Variants in CUL4B observed in about 807,000 individuals in gnomAD.
The protein encoded by CUL4B is cullin 4B.
CUL4B carries 1 observed loss-of-function variant against 69.2 expected under a neutral mutation model. The ratio of observed to expected loss-of-function variants is 0.01; its 90% CI spans 0.01 to 0.07. CUL4B has a LOEUF of 0.07. Among genes scored for constraint, CUL4B ranks in the 10% least tolerant of loss-of-function variants. The pLI is 1.00. For synonymous variants in CUL4B, 237 were observed against 223.2 expected, an observed-to-expected ratio of 1.06 and a Z score of -0.55; for missense variants, 328 against 638.8, an observed-to-expected ratio of 0.51 and a Z score of 5.24.
At position 120,524,074 on chromosome X, in the gene CUL4B, G is replaced by A. The variant is rs1922842449; in HGVS notation, c.*2687C>T. 9.0e-6 allele frequency among the ~76,000 whole-genome samples: 1 copy of A among 111,040 alleles called. No homozygotes were observed. Among genetic ancestry groups the A allele is most frequent in the African/African-American group, 3.3e-5 (1 of 30,576 alleles). ...TTAGATCCAGATGCCCAGATAAACT[G>A]GTTTTCTGAACTGTACACTCACATA... On this transcript the variant is annotated 3_prime_UTR_variant, in exon 20 of 20. Transcript: ENST00000371322.
intron 18 of CUL4B, among the ~76,000 whole-genome samples, chrX:120,531,108 G>C (rs773673177): frequency 1.6e-4 from 18 of 110,723 alleles, no homozygotes; most frequent in Non-Finnish European, 3.2e-4. Context: ...CGGATCATGA[G>C]GTCAGGAGTT....
rs1391627547 is a variant in CUL4B, at chrX:120,560,352, G to A, written c.287C>T (p.Pro96Leu). 2 of 1,207,612 alleles carry A rather than the reference G, an allele frequency of 1.7e-6. No individual in the cohort carries two copies. The highest frequency in any genetic ancestry group is 3.0e-5 in the East Asian group (1 of 33,766). ...TTCAAAACGCAGCTTCTTCTGTATC[G>A]GTACGTGGCTGGAAGCAGCCACTGA... ...GVSVAASSHV[P>L]IQKKLRFEDT... Residue 96 changes from proline (P) to leucine (L), a missense_variant, in exon 1 of 20, where the codon CCG becomes CTG. Transcript: ENST00000371322.
downstream of CUL4B, among the ~76,000 whole-genome samples, chrX:120,569,361 C>CTTTTTTTT (rs1172319824): frequency 2.1e-5 from 2 of 96,202 alleles, no homozygotes; most frequent in African/African-American, 7.5e-5. Flanking sequence ...AGGGAAGTTT[C>CTTTTTTTT]TTTTTTTTTT....
chrX:120,531,485 A>G (rs764912964), intron 18 of CUL4B, among the ~76,000 whole-genome samples: 3 of 106,652 alleles, frequency 2.8e-5, no homozygotes, highest in Non-Finnish European at 5.8e-5. Flanking sequence ...TTTTTTAAAC[A>G]GAGTCTCACT....
rs775787840 is a variant in CUL4B, at chrX:120,547,210, A to C, written c.702T>G (p.Ile234Met). 12 of 1,201,574 alleles carry C rather than the reference A, an allele frequency of 1.0e-5. No homozygotes were observed. The East Asian group carries it at 3.5e-4, about 36-fold the overall frequency. Residue 234 changes from isoleucine to methionine, a missense_variant, in exon 3 of 20, where the codon ATT becomes ATG. Around this residue, in one of 4 missense-constraint regions of CUL4B, gnomAD observed 126 missense variants for 202.5 expected, o/e 0.62. Coordinates refer to ENST00000371322, the MANE Select transcript of CUL4B (RefSeq NM_001079872.2). Reference sequence around the variant, plus strand: ...TCAGCTGTTTGTACAAGTTTGCAGAAATCTTGTAAGAACAGAGATTTTCTA... The same window carrying C: ...TCAGCTGTTTGTACAAGTTTGCAGACATCTTGTAAGAACAGAGATTTTCTA... ...QAVENLCSYK[I>M]SANLYKQLRQ...
exon 3 of CUL4B, chrX:120,571,946 G>A (rs1436886541): frequency 4.5e-5 from 5 of 110,208 alleles, no homozygotes; most frequent in Non-Finnish European, 9.5e-5. Flanking sequence ...CCAGTTCCCT[G>A]CAGATACGTT....
At chrX:120,557,077 A>C (rs1269539438) in intron 2 of CUL4B, among the ~76,000 whole-genome samples, 1 of 109,636 alleles carries the variant, frequency 9.1e-6, no homozygotes, top group Admixed American at 9.7e-5. Context: ...TTGCCTGGCT[A>C]ATTTTGTATT....
rs923486276 is a variant in CUL4B, at chrX:120,544,747, G to A, written c.921-104C>T. 4 of 628,663 alleles carry A rather than the reference G, an allele frequency of 6.4e-6. No homozygotes were observed. The African/African-American group carries it at 9.0e-5, about 14-fold the overall frequency. The allele number at this position is 628,663 out of a possible 1,213,427, so 51.8% of individuals were successfully genotyped here. The stretch of plus-strand genomic sequence containing the variant: ...GTTCCCATGCTAATTAGGGCTCCAG[G>A]GCTTTGAAGCAGCAATTGTCAAAAA... On this transcript the variant is annotated intron_variant, in intron 5 of 19. Transcript: ENST00000371322.
At position 120,539,385 on chromosome X, in the gene CUL4B, A is replaced by G. The variant is rs753469671; in HGVS notation, c.1637-13T>C. On this transcript the variant is annotated splice_polypyrimidine_tract_variant and intron_variant, in intron 11 of 19. Transcript: ENST00000371322. The stretch of plus-strand genomic sequence containing the variant: ...TCTACATACTTAGCTAAAATGGGGG[A>G]AAAGTTTGTTGTTTAATAACCGGGG... 37 of 1,080,369 alleles carry G rather than the reference A, an allele frequency of 3.4e-5. No individual in the cohort carries two copies. Among genetic ancestry groups the G allele is most frequent in the Non-Finnish European group, 4.3e-5 (34 of 781,831 alleles). The allele number at this position is 1,080,369 out of a possible 1,213,427, so 89.0% of individuals were successfully genotyped here. A position where few individuals can be genotyped will look rare whatever the true frequency, so the allele number is the denominator to read the frequency against.
intron 2 of CUL4B, among the ~76,000 whole-genome samples, chrX:120,572,638 C>T (rs1489821482): frequency 1.8e-5 from 2 of 110,662 alleles, no homozygotes; most frequent in East Asian, 2.8e-4. Flanking sequence ...ACTTAACCAA[C>T]GTGCAGTTTT....
At chrX:120,539,129 G>A (rs900314305) in intron 12 of CUL4B, 139 bp downstream of exon 12, 40 of 445,616 alleles carry the variant, frequency 9.0e-5, no homozygotes, top group Non-Finnish European at 1.4e-4. Context: ...CATTCCTCAC[G>A]TATCCCCCCA....
chrX:120,540,397 T>G lies in CUL4B; in HGVS notation c.1609A>C (p.Arg537=). The change falls in exon 11 of 20, where the codon AGA becomes CGA. Residue 537 remains arginine, a synonymous_variant. Transcript: ENST00000371322. ...KEAFETFINK[R]PNKPAELIAK... is the part of the protein sequence containing the mutation. The stretch of plus-strand genomic sequence containing the variant: ...ATAAGTTCAGCTGGTTTATTTGGTC[T>G]TTTGTTAATGAACGTTTCAAATGCT... 1 of 1,210,752 alleles carries G rather than the reference T, an allele frequency of 8.3e-7. No homozygotes were observed. Among genetic ancestry groups the G allele is most frequent in the Non-Finnish European group, 1.1e-6 (1 of 894,513 alleles).
chrX:120,551,503 T>C (rs1307397802), intron 2 of CUL4B, among the ~76,000 whole-genome samples: 1 of 111,205 alleles, frequency 9.0e-6, no homozygotes, highest in Non-Finnish European at 1.9e-5. Flanking sequence ...GCCACCCGAT[T>C]ATAACCTTTC....
At chrX:120,537,257 A>T (rs991623700) in intron 14 of CUL4B, among the ~76,000 whole-genome samples, 2 of 112,096 alleles carry the variant, frequency 1.8e-5, no homozygotes, top group Non-Finnish European at 3.8e-5. Context: ...GGATCACATG[A>T]CCTCATTACA....
chrX:120,570,238 G>A (rs1244668610), downstream of CUL4B, among the ~76,000 whole-genome samples: 1 of 111,617 alleles, frequency 9.0e-6, no homozygotes, highest in African/African-American at 3.3e-5. Context: ...CGGGAGAATA[G>A]GGTTTGACAC....
intron 2 of CUL4B, among the ~76,000 whole-genome samples, chrX:120,551,696 T>C (rs1924697881): frequency 8.9e-6 from 1 of 112,451 alleles, no homozygotes; most frequent in African/African-American, 3.2e-5. Context: ...TACACATCAT[T>C]ACTCTATGTG....
chrX:120,565,854 T>G (rs770191812), upstream of CUL4B, among the ~76,000 whole-genome samples: 7 of 102,809 alleles, frequency 6.8e-5, no homozygotes, highest in East Asian at 2.3e-3. Flanking sequence ...GCCTCCCAAG[T>G]AGCTGGGACT....
chrX:120,535,737 C>G (rs867545950), intron 16 of CUL4B, 93 bp downstream of exon 16: 2 of 311,560 alleles, frequency 6.4e-6, no homozygotes, highest in Non-Finnish European at 1.1e-5. Context: ...AAGAAGAAAA[C>G]AAAAAACAAT....
At chrX:120,557,323 T>C (rs1252906690) in intron 2 of CUL4B, among the ~76,000 whole-genome samples, 1 of 111,720 alleles carries the variant, frequency 9.0e-6, no homozygotes, top group East Asian at 2.8e-4. Flanking sequence ...GGGATTGCCC[T>C]TAGGAACTGC....
Sources: gnomAD v4.1 joint callset for allele counts (sites outside exome capture counted in the v4.1 genomes callset) on GRCh38, gnomAD v4.1.1 for gene constraint, gnomAD v4.1.1 regional missense constraint, MANE v1.5 for transcripts, NCBI Gene and HGNC (gene_info 2026-07-23, HGNC 2026-07-21) for gene names.